Variants in SEPTIN9 observed in about 807,000 individuals in gnomAD.
SEPTIN9 encodes septin 9.
Under a neutral mutation model 56.6 loss-of-function variants are expected in SEPTIN9, and 13 were observed. The ratio of observed to expected loss-of-function variants is 0.23; its 90% CI spans 0.15 to 0.37. SEPTIN9 has a LOEUF of 0.37. Among genes scored for constraint, SEPTIN9 ranks in the 10% least tolerant of loss-of-function variants. The probability of loss-of-function intolerance (pLI) is 1.00; values close to 1 mark genes in which losing one functional copy is unlikely to be tolerated. For missense variants in SEPTIN9, 650 were observed against 823.1 expected (o/e 0.79, Z 2.57); for synonymous variants, 332 against 334.1 (o/e 0.99, Z 0.07).
chr17:77,342,537 G>T (rs754751892), intron 2 of SEPTIN9, among the ~76,000 whole-genome samples: 2 of 152,150 alleles, frequency 1.3e-5, no homozygotes. Context: ...TTGCTTCAGC[G>T]CATTAGTCAG....
At chr17:77,331,330 T>C (rs1021266548) in intron 2 of SEPTIN9, among the ~76,000 whole-genome samples, 6 of 152,086 alleles carry the variant, frequency 3.9e-5, no homozygotes, top group African/African-American at 1.2e-4. Flanking sequence ...GCTGGGGTGA[T>C]GGGCACTGGG....
At chr17:77,486,964 A>G (rs984467354) in intron 4 of SEPTIN9, among the ~76,000 whole-genome samples, 1 of 152,210 alleles carries the variant, frequency 6.6e-6, no homozygotes, top group African/African-American at 2.4e-5. Flanking sequence ...CTGGCCGGTC[A>G]GGGAGGAGCA....
chr17:77,448,633 C>T (rs1359497331), intron 3 of SEPTIN9, among the ~76,000 whole-genome samples: 1 of 151,982 alleles, frequency 6.6e-6, no homozygotes, highest in Non-Finnish European at 1.5e-5. Context: ...TTTCAGAGTC[C>T]TAGCAAGGGG....
At chr17:77,321,988 C>T (rs1257839908) in intron 2 of SEPTIN9, among the ~76,000 whole-genome samples, 1 of 152,216 alleles carries the variant, frequency 6.6e-6, no homozygotes, top group Non-Finnish European at 1.5e-5. Context: ...GAGTGACCAC[C>T]CCACCAGGCA....
At position 77,475,921 on chromosome 17, in the gene SEPTIN9, C is replaced by A; in HGVS notation, c.722-6223C>A. 1 of 1,597,774 alleles carries A rather than the reference C, an allele frequency of 6.3e-7. No individual in the cohort carries two copies. The highest frequency in any genetic ancestry group is 8.6e-7 in the Non-Finnish European group (1 of 1,169,548). On this transcript the variant is annotated intron_variant, in intron 3 of 11. Coordinates refer to ENST00000427177, the MANE Select transcript of SEPTIN9 (RefSeq NM_001113491.2). This position sits in a 1 kb window ranked among gnomAD's most constrained non-coding sequence, Gnocchi z 4.6. ...CAGACAAGGTGTGTGGGGATGTGGC[C>A]ATTTCGGTCCGTGCTCTGAGAGCCA...
At position 77,319,936 on chromosome 17, in the gene SEPTIN9, C is replaced by T; in HGVS notation, c.76+12739C>T. On this transcript the variant is annotated intron_variant, in intron 2 of 11. Transcript: ENST00000427177. This position sits in a 1 kb window ranked among gnomAD's most constrained non-coding sequence, Gnocchi z 5.3. Reference sequence around the variant, plus strand: ...CCGGAAGCCGCACTCGGGACCTCTGCAGCCACCGACCAGACCGGGCGGCCG... The same window carrying T: ...CCGGAAGCCGCACTCGGGACCTCTGTAGCCACCGACCAGACCGGGCGGCCG... The T allele has an allele frequency of 1.7e-6, 2 of 1,144,566 alleles. No homozygotes were observed. Among genetic ancestry groups the T allele is most frequent in the Non-Finnish European group, 2.2e-6 (2 of 928,190 alleles). 70.9% of individuals were successfully genotyped at this position (1,144,566 alleles called of 1,614,324 possible).
intron 3 of SEPTIN9, among the ~76,000 whole-genome samples, chr17:77,478,732 A>T (rs1436955894): frequency 6.7e-6 from 1 of 149,936 alleles, no homozygotes; most frequent in Non-Finnish European, 1.5e-5. Context: ...GAACCTGGGG[A>T]GGCAGAGGTT....
chr17:77,408,491 G>A (rs536171428), intron 3 of SEPTIN9, among the ~76,000 whole-genome samples: 1 of 152,324 alleles, frequency 6.6e-6, no homozygotes, highest in Non-Finnish European at 1.5e-5. Flanking sequence ...CGCATACTTG[G>A]TCCGCACCGG....
intron 3 of SEPTIN9, among the ~76,000 whole-genome samples, chr17:77,439,941 T>C (rs766542609): frequency 1.1e-4 from 16 of 152,186 alleles, no homozygotes; most frequent in African/African-American, 3.9e-4. Flanking sequence ...TTAACTTTTA[T>C]GTCTCCTCCT....
intron 7 of SEPTIN9, among the ~76,000 whole-genome samples, chr17:77,490,363 G>A (rs2039973315): frequency 6.6e-6 from 1 of 152,238 alleles, no homozygotes; most frequent in African/African-American, 2.4e-5. Flanking sequence ...GCACACTGGT[G>A]CTAGCTTCTA....
intron 4 of SEPTIN9, among the ~76,000 whole-genome samples, chr17:77,486,259 C>T (rs1411726836): frequency 1.3e-5 from 2 of 152,046 alleles, no homozygotes; most frequent in Non-Finnish European, 2.9e-5. Context: ...CTCGCCACTA[C>T]ACCTAGCCAA....
rs193116889 is a variant in SEPTIN9, at chr17:77,457,405, A to G, written c.722-24739A>G. Among the ~76,000 whole-genome samples, 476 of 152,260 alleles carry G rather than the reference A, an allele frequency of 3.1e-3. 2 individuals are homozygous for G. Among genetic ancestry groups the G allele is most frequent in the Non-Finnish European group, 3.7e-3 (250 of 68,010 alleles). On this transcript the variant is annotated intron_variant, in intron 3 of 11. Transcript: ENST00000427177. ...CTCCCCTAGAGGCGCCCCATGTCCCATCACTCTCACTGCTTGAGGGGTCAG... is the reference window on the plus strand; with the variant it reads ...CTCCCCTAGAGGCGCCCCATGTCCCGTCACTCTCACTGCTTGAGGGGTCAG...
intron 2 of SEPTIN9, among the ~76,000 whole-genome samples, chr17:77,347,503 A>T (rs1053906770): frequency 1.3e-5 from 2 of 152,076 alleles, no homozygotes; most frequent in Admixed American, 1.3e-4. Context: ...ATTTATGATT[A>T]TAATGGTGTC....
In SEPTIN9 at chr17:77,492,790, G is replaced by A; in HGVS notation, c.1476+74G>A. ...CTGAAGGGTGGGTTGGGGGTTTGGA[G>A]GACCTTAAGCCATGAAATTATATTC... On this transcript the variant is annotated intron_variant, in intron 9 of 11. Transcript: ENST00000427177. The surrounding 1 kb of genome is among the most constrained non-coding windows in gnomAD (Gnocchi z 5.4). 1 of 1,403,118 alleles carries A rather than the reference G, an allele frequency of 7.1e-7. No individual in the cohort carries two copies. Among genetic ancestry groups the A allele is most frequent in the Non-Finnish European group, 1.0e-6 (1 of 987,982 alleles). The allele number at this position is 1,403,118 out of a possible 1,614,324, so 86.9% of individuals were successfully genotyped here.
At chr17:77,321,712 G>A (rs879637683) in intron 2 of SEPTIN9, among the ~76,000 whole-genome samples, 1 of 152,228 alleles carries the variant, frequency 6.6e-6, no homozygotes, top group Non-Finnish European at 1.5e-5. Context: ...TGATTGTCAC[G>A]TTGGGACTGG....
intron 1 of SEPTIN9, among the ~76,000 whole-genome samples, chr17:77,300,242 C>T (rs1010834025): frequency 2.6e-5 from 4 of 152,116 alleles, no homozygotes; most frequent in South Asian, 2.1e-4. Flanking sequence ...AGATTACAGG[C>T]GTGCACCACC....
At chr17:77,469,927 C>T (rs2038907907) in intron 3 of SEPTIN9, among the ~76,000 whole-genome samples, 1 of 150,334 alleles carries the variant, frequency 6.7e-6, no homozygotes, top group Non-Finnish European at 1.5e-5. Context: ...ACCCATCTAT[C>T]CATCCACTCA....
At chr17:77,322,227 C>A (rs1009022985) in intron 2 of SEPTIN9, among the ~76,000 whole-genome samples, 1 of 152,198 alleles carries the variant, frequency 6.6e-6, no homozygotes, top group Admixed American at 6.5e-5. Flanking sequence ...TGATGGCACC[C>A]TCCCAGGCTC....
At position 77,475,348 on chromosome 17, in the gene SEPTIN9, G is replaced by T. The variant is rs184459529; in HGVS notation, c.722-6796G>T. ...GCAGGGCTTCCCCAGGATTCAGCAG[G>T]GATCTGAAGGACTTTGCAGGCACCC... is the stretch of plus-strand genomic sequence containing the variant. On this transcript the variant is annotated intron_variant, in intron 3 of 11. Transcript: ENST00000427177. The surrounding 1 kb of genome is among the most constrained non-coding windows in gnomAD (Gnocchi z 4.6). 48 of 1,433,064 alleles carry T rather than the reference G, an allele frequency of 3.3e-5. No homozygotes were observed. The East Asian group carries it at 1.2e-3, about 36-fold the overall frequency. The allele number at this position is 1,433,064 out of a possible 1,614,324, so 88.8% of individuals were successfully genotyped here. A position where few individuals can be genotyped will look rare whatever the true frequency, so the allele number is the denominator to read the frequency against.
Sources: allele counts gnomAD v4.1 joint callset (sites outside exome capture counted in the v4.1 genomes callset), GRCh38; gene constraint gnomAD v4.1.1; non-coding constraint Gnocchi (gnomAD v3.1); transcripts MANE v1.5; gene names NCBI Gene and HGNC (gene_info 2026-07-23, HGNC 2026-07-21).